Variants in HACL1 observed in about 807,000 individuals in gnomAD.
HACL1 encodes the protein 1600020H07Rik.
In HACL1, 64 loss-of-function variants were observed where a neutral mutation model predicts 74.2. The observed-to-expected ratio is 0.86, with a 90% CI of 0.70 to 1.06. The LOEUF is 1.06. Ranked by LOEUF, HACL1 falls within the 50% of genes least tolerant of loss-of-function variation. The pLI, the probability that HACL1 is intolerant of heterozygous loss-of-function variation, is 0.00. For missense variants in HACL1, 728 were observed against 719.7 expected (o/e 1.01, Z -0.13); for synonymous variants, 230 against 238.8 (o/e 0.96, Z 0.34).
chr3:15,601,093 T>G lies in HACL1; in HGVS notation c.183A>C (p.Gln61His). The G allele has an allele frequency of 6.2e-7, 1 of 1,604,790 alleles. No individual in the cohort carries two copies. The highest frequency in any genetic ancestry group is 8.5e-7 in the Non-Finnish European group (1 of 1,171,388). ...GIKYIGMRNE[Q>H]AACYAASAIG... ...AGCCACCTGAGTCCATACTCACCGC[T>G]TGCTCATTCCTCATCCCGATGTACT... The change falls in exon 2 of 17, where the codon CAA becomes CAC. Residue 61 changes from glutamine (Q) to histidine (H), a missense_variant. Transcript: ENST00000321169.
chr3:15,567,338 T>G (rs2063454537), intron 14 of HACL1, among the ~76,000 whole-genome samples: 1 of 151,156 alleles, frequency 6.6e-6, no homozygotes, highest in Non-Finnish European at 1.5e-5. Context: ...GCCTCCCGAG[T>G]AGCTGGGATT....
intron 12 of HACL1, 38 bp downstream of exon 12, chr3:15,571,630 C>G (rs1386427069): frequency 1.2e-6 from 1 of 868,098 alleles, no homozygotes; most frequent in Non-Finnish European, 2.0e-6. Context: ...GAATCATGAG[C>G]CTGACCTGTT....
intron 9 of HACL1, among the ~76,000 whole-genome samples, chr3:15,576,542 T>C (rs1175564552): frequency 1.3e-5 from 2 of 152,242 alleles, no homozygotes; most frequent in Non-Finnish European, 2.9e-5. Flanking sequence ...TCACATATCT[T>C]TGCCCAGTCT....
In HACL1 at chr3:15,601,171, G is replaced by A. The variant is rs745571036; in HGVS notation, c.105C>T (p.Ile35=). The part of the protein sequence containing the change: ...KTQDVEYIFG[I]VGIPVTEIAI... Reference sequence around the variant, plus strand: ...CGATTTCGGTCACTGGGATGCCTACGATGCCAAATATGTACTCCACATCCT... The same window carrying A: ...CGATTTCGGTCACTGGGATGCCTACAATGCCAAATATGTACTCCACATCCT... The change falls in exon 2 of 17, where the codon ATC becomes ATT. Residue 35 remains isoleucine (I), a synonymous_variant. Transcript: ENST00000321169. 14 of 1,612,966 alleles carry A rather than the reference G, an allele frequency of 8.7e-6. No homozygotes were observed. The highest frequency in any genetic ancestry group is 1.2e-5 in the Non-Finnish European group (14 of 1,179,028).
chr3:15,589,715 G>A, intron 4 of HACL1, 103 bp from the exon 5 acceptor site: 2 of 779,596 alleles, frequency 2.6e-6, no homozygotes, highest in Non-Finnish European at 4.3e-6. Context: ...GTTAAAGGGA[G>A]AGAATATTAT....
intron 2 of HACL1, 63 bp from the exon 3 acceptor site, chr3:15,596,487 A>G: frequency 1.1e-6 from 1 of 913,974 alleles, no homozygotes; most frequent in African/African-American, 1.6e-5. Context: ...TTATGACAGC[A>G]ACTTACTATT....
chr3:15,584,160 G>A (rs962594983), intron 7 of HACL1, among the ~76,000 whole-genome samples: 1 of 152,124 alleles, frequency 6.6e-6, no homozygotes, highest in Non-Finnish European at 1.5e-5. Context: ...AGGACAATCT[G>A]TATAAAATTT....
intron 12 of HACL1, 69 bp from the exon 13 acceptor site, chr3:15,568,655 T>G: frequency 1.1e-6 from 1 of 891,758 alleles, no homozygotes; most frequent in Non-Finnish European, 1.8e-6. Context: ...GTTAATAAGA[T>G]GCTATCAAAC....
intron 3 of HACL1, 26 bp downstream of exon 3, chr3:15,596,358 T>C (rs2064064326): frequency 1.5e-6 from 2 of 1,326,820 alleles, no homozygotes; most frequent in Non-Finnish European, 2.2e-6. Flanking sequence ...ATTAAAGTAA[T>C]TGAAGTGAAA....
intron 16 of HACL1, among the ~76,000 whole-genome samples, chr3:15,561,749 T>TA (rs147047949): frequency 0.024 from 3,643 of 152,278 alleles, 226 homozygotes; most frequent in Admixed American, 0.12. Flanking sequence ...GGCACAATCT[T>TA]AGCTCACTGC....
chr3:15,597,266 G>C (rs1251419363), intron 2 of HACL1, among the ~76,000 whole-genome samples: 3 of 152,104 alleles, frequency 2.0e-5, no homozygotes, highest in Non-Finnish European at 4.4e-5. Context: ...TCTTTTTAGT[G>C]ATCTCTTATT....
At chr3:15,572,353 T>C (rs1159509118) in intron 11 of HACL1, among the ~76,000 whole-genome samples, 1 of 152,134 alleles carries the variant, frequency 6.6e-6, no homozygotes, top group East Asian at 1.9e-4. Flanking sequence ...ATGGGTAACA[T>C]GGAAGGCTTT....
chr3:15,564,683 G>T, intron 14 of HACL1, 25 bp from the exon 15 acceptor site: 1 of 898,872 alleles, frequency 1.1e-6, no homozygotes, highest in South Asian at 1.5e-5. Flanking sequence ...AAATATGAAG[G>T]AAATCATTCT....
At chr3:15,570,612 G>A (rs564223921) in intron 12 of HACL1, among the ~76,000 whole-genome samples, 110 of 147,436 alleles carry the variant, frequency 7.5e-4, no homozygotes, top group African/African-American at 2.6e-3. Context: ...TCTCACATAG[G>A]GAAAGCACAA....
intron 11 of HACL1, 90 bp downstream of exon 11, chr3:15,573,069 C>CAACG: frequency 2.6e-6 from 2 of 762,356 alleles, no homozygotes; most frequent in Admixed American, 3.9e-5. Context: ...AATAGTAGAC[C>CAACG]CGTTACCAAG....
intron 8 of HACL1, among the ~76,000 whole-genome samples, chr3:15,582,207 A>G (rs2063725990): frequency 6.6e-6 from 1 of 152,248 alleles, no homozygotes; most frequent in Non-Finnish European, 1.5e-5. Flanking sequence ...TGACAGGAGT[A>G]TAAATTGGTT....
Position 15,582,859 on chromosome 3 carries a change from G to C in HACL1, c.667+18C>G, listed in dbSNP as rs1302288998. On this transcript the variant is annotated intron_variant, in intron 8 of 16. Coordinates refer to ENST00000321169, the MANE Select transcript of HACL1 (RefSeq NM_012260.4). ...ACTTTCAAAAGCCTAGCAAGATTTA[G>C]AGTTCTATTCATGCTACCTTTCCCG... 8.1e-7 allele frequency: 1 copy of C among 1,238,892 alleles called. No individual in the cohort carries two copies. The highest frequency in any genetic ancestry group is 1.2e-5 in the South Asian group (1 of 80,784). 76.7% of individuals were successfully genotyped at this position (1,238,892 alleles called of 1,614,324 possible).
chr3:15,563,954 T>G (rs1370819369), intron 15 of HACL1, among the ~76,000 whole-genome samples: 1 of 152,100 alleles, frequency 6.6e-6, no homozygotes, highest in Non-Finnish European at 1.5e-5. Flanking sequence ...TCAACTATTA[T>G]GAATCCAGAA....
At position 15,601,521 on chromosome 3, in the gene HACL1, C is replaced by T; in HGVS notation, c.-58G>A. The T allele has an allele frequency of 6.2e-7, 1 of 1,608,950 alleles. No homozygotes were observed. Among genetic ancestry groups the T allele is most frequent in the Admixed American group, 1.7e-5 (1 of 60,022 alleles). ...CCGGCAAACAAGCGGAATCATCCAG[C>T]AAGGCAAACGCGAAATCGGCAGCAC... is the stretch of plus-strand genomic sequence containing the variant. On this transcript the variant is annotated 5_prime_UTR_variant, in exon 1 of 17. Transcript: ENST00000321169.
Sources: allele counts gnomAD v4.1 joint callset (sites outside exome capture counted in the v4.1 genomes callset), GRCh38; gene constraint gnomAD v4.1.1; transcripts MANE v1.5; gene names NCBI Gene and HGNC (gene_info 2026-07-23, HGNC 2026-07-21).